SEMA3A: variants seen among roughly 807,000 people sequenced by gnomAD.
SEMA3A encodes semaphorin 3A, also known as semaphorin-3A.
Under a neutral mutation model 97.9 loss-of-function variants are expected in SEMA3A, and 29 were observed. That is an observed-to-expected ratio of 0.30 (90% confidence interval 0.22 to 0.40). The LOEUF (loss-of-function observed/expected upper bound fraction) is 0.40. Ranked by LOEUF, SEMA3A falls within the 10% of genes least tolerant of loss-of-function variation. SEMA3A has a pLI of 1.00. For missense variants in SEMA3A, 763 were observed against 951.3 expected (o/e 0.80, Z 2.60); for synonymous variants, 321 against 323.7 (o/e 0.99, Z 0.09).
intron 2 of SEMA3A, among the ~76,000 whole-genome samples, chr7:84,368,866 A>T (rs12671342): frequency 0.13 from 19,514 of 150,874 alleles, 1,438 homozygotes; most frequent in East Asian, 0.28. Flanking sequence ...CTATATAATA[A>T]CAAGTGTAAG....
intron 1 of SEMA3A, among the ~76,000 whole-genome samples, chr7:84,407,967 T>G (rs567907163): frequency 1.3e-5 from 2 of 152,146 alleles, no homozygotes; most frequent in African/African-American, 4.8e-5. Context: ...GCATTACCAT[T>G]CAGGACATAA....
chr7:84,311,505 C>A (rs920896447), intron 2 of SEMA3A, among the ~76,000 whole-genome samples: 1 of 151,622 alleles, frequency 6.6e-6, no homozygotes, highest in Non-Finnish European at 1.5e-5. Context: ...ATAATCTAAA[C>A]CAGATTACAG....
Position 84,214,323 on chromosome 7 carries a change from C to T in SEMA3A, c.-82-19655G>A, listed in dbSNP as rs192343846. ...TACAGTTGCAACTCAGTTGGACTTA[C>T]ATTGTATGTCTCGTTAGATAATATA... is the stretch of plus-strand genomic sequence containing the variant. On this transcript the variant is annotated intron_variant, in intron 3 of 3. Transcript: ENST00000424555. 1.1e-4 allele frequency among the ~76,000 whole-genome samples: 16 copies of T among 152,264 alleles called. No individual in the cohort carries two copies. The East Asian group carries it at 1.7e-3, about 17-fold the overall frequency.
At chr7:84,332,846 T>C (rs1470131556) in intron 2 of SEMA3A, among the ~76,000 whole-genome samples, 1 of 152,140 alleles carries the variant, frequency 6.6e-6, no homozygotes, top group East Asian at 1.9e-4. Flanking sequence ...AAATATGTTA[T>C]TATTTACATG....
At chr7:84,053,683 CT>C (rs1792795588) in intron 5 of SEMA3A, among the ~76,000 whole-genome samples, 3 of 149,664 alleles carry the variant, frequency 2.0e-5, no homozygotes, top group Admixed American at 6.7e-5. Context: ...CAGTCTGTGT[CT>C]TTTAATTGGA....
intron 3 of SEMA3A, among the ~76,000 whole-genome samples, chr7:84,238,043 A>C (rs1799275923): frequency 3.9e-5 from 6 of 152,072 alleles, no homozygotes; most frequent in Admixed American, 3.9e-4. Context: ...TTTGGGGAAC[A>C]ATAGATGAGA....
chr7:84,116,115 T>C (rs1795421600), intron 3 of SEMA3A, among the ~76,000 whole-genome samples: 1 of 152,170 alleles, frequency 6.6e-6, no homozygotes, highest in Admixed American at 6.5e-5. Flanking sequence ...ATCTACCTCC[T>C]TTCTACCCCA....
chr7:84,437,129 G>A (rs769627048), intron 1 of SEMA3A, among the ~76,000 whole-genome samples: 1 of 151,970 alleles, frequency 6.6e-6, no homozygotes, highest in African/African-American at 2.4e-5. Context: ...TACAATAAGC[G>A]CTCTGGATTG....
chr7:84,379,688 AAAAAAAAAG>A (rs1803204885), intron 1 of SEMA3A, among the ~76,000 whole-genome samples: 1 of 151,442 alleles, frequency 6.6e-6, no homozygotes, highest in African/African-American at 2.4e-5. Flanking sequence ...GAAGCTGGGG[AAAAAAAAAG>A]AAAAAAAAGA....
At chr7:84,376,464 C>G (rs1428315914) in intron 1 of SEMA3A, among the ~76,000 whole-genome samples, 2 of 142,130 alleles carry the variant, frequency 1.4e-5, no homozygotes, top group Admixed American at 1.5e-4. Context: ...ATTAGCCGGG[C>G]GTGGTGGCGG....
Position 83,998,115 on chromosome 7 carries a change from T to TAA in SEMA3A, c.1452+3838_1452+3839dup, listed in dbSNP as rs11415120. 4.4e-3 allele frequency among the ~76,000 whole-genome samples: 660 copies of TAA among 148,836 alleles called. 7 individuals carry two copies. The highest frequency in any genetic ancestry group is 0.014 in the African/African-American group (564 of 40,674). On this transcript the variant is annotated intron_variant, in intron 12 of 16. Coordinates refer to ENST00000265362, the MANE Select transcript of SEMA3A (RefSeq NM_006080.3). ...TATTTCTCTGGAAACTGCAAAATGC[T>TAA]AAAAAAAAAAATCTAATAGATATTA...
At chr7:84,201,141 A>G (rs1402121232) in intron 3 of SEMA3A, among the ~76,000 whole-genome samples, 2 of 152,106 alleles carry the variant, frequency 1.3e-5, no homozygotes, top group African/African-American at 2.4e-5. Flanking sequence ...AAGCAGATGC[A>G]TAGAGTTCCC....
chr7:84,479,512 C>T (rs1448101725), intron 1 of SEMA3A, among the ~76,000 whole-genome samples: 1 of 151,998 alleles, frequency 6.6e-6, no homozygotes, highest in Non-Finnish European at 1.5e-5. Context: ...TGCTTAGTAT[C>T]TAGCAGAGAA....
At chr7:83,981,263 C>T in intron 14 of SEMA3A, 58 bp downstream of exon 14, 1 of 1,577,544 alleles carries the variant, frequency 6.3e-7, no homozygotes, top group Non-Finnish European at 8.7e-7. Context: ...CTATTTCAAA[C>T]TTGGAATCAG....
intron 15 of SEMA3A, among the ~76,000 whole-genome samples, chr7:83,976,728 C>T (rs1372708428): frequency 1.3e-5 from 2 of 151,878 alleles, no homozygotes; most frequent in Non-Finnish European, 2.9e-5. Flanking sequence ...ATATCATGAG[C>T]ATATAAATGA....
intron 1 of SEMA3A, among the ~76,000 whole-genome samples, chr7:84,148,223 T>C (rs1039253685): frequency 1.4e-5 from 2 of 140,032 alleles, no homozygotes; most frequent in South Asian, 2.5e-4. Flanking sequence ...GCTCCTTTTT[T>C]CTTTTCTTTT....
At chr7:84,114,120 T>G (rs1795353600) in intron 3 of SEMA3A, among the ~76,000 whole-genome samples, 1 of 152,160 alleles carries the variant, frequency 6.6e-6, no homozygotes, top group African/African-American at 2.4e-5. Flanking sequence ...AGTCCATCCA[T>G]CTGTCAAAAC....
At chr7:84,146,351 G>A (rs1358471388) in intron 1 of SEMA3A, among the ~76,000 whole-genome samples, 1 of 151,962 alleles carries the variant, frequency 6.6e-6, no homozygotes, top group East Asian at 1.9e-4. Context: ...ACATGACTTC[G>A]CCATTAACAG....
intron 10 of SEMA3A, among the ~76,000 whole-genome samples, chr7:84,005,883 A>G (rs949491828): frequency 1.3e-5 from 2 of 152,146 alleles, no homozygotes; most frequent in African/African-American, 4.8e-5. Flanking sequence ...TGGGAGGTGG[A>G]GGTTGCAGTG....
Sources: gnomAD v4.1 joint callset for allele counts (sites outside exome capture counted in the v4.1 genomes callset) on GRCh38, gnomAD v4.1.1 for gene constraint, MANE v1.5 for transcripts, NCBI Gene and HGNC (gene_info 2026-07-23, HGNC 2026-07-21) for gene names.